The following FRMPD3 variants were observed in gnomAD, a reference collection of about 807,000 sequenced individuals.
The protein encoded by FRMPD3 is FERM and PDZ domain containing 3, also known as FERM and PDZ domain-containing protein 3.
A neutral mutation model predicts 97.9 loss-of-function variants in FRMPD3; 42 were observed. That is an observed-to-expected ratio of 0.43 (90% confidence interval 0.34 to 0.55). The LOEUF (loss-of-function observed/expected upper bound fraction) is 0.55. FRMPD3 is among the 20% of genes least tolerant of loss of function. The probability of loss-of-function intolerance (pLI) is 0.03; values close to 1 mark genes in which losing one functional copy is unlikely to be tolerated. For missense variants in FRMPD3, 1,303 were observed against 1,457.7 expected, an observed-to-expected ratio of 0.89 and a Z score of 1.73; for synonymous variants, 577 against 581.1, an observed-to-expected ratio of 0.99 and a Z score of 0.10.
intron 1 of FRMPD3, among the ~76,000 whole-genome samples, chrX:107,500,457 C>T (rs766751235): frequency 7.1e-5 from 8 of 112,424 alleles, no homozygotes; most frequent in Non-Finnish European, 9.4e-5. Context: ...AACTTAACCT[C>T]TTGATCCTAA....
intron 1 of FRMPD3, among the ~76,000 whole-genome samples, chrX:107,475,251 A>G (rs1214437666): frequency 9.0e-6 from 1 of 111,518 alleles, no homozygotes; most frequent in East Asian, 2.8e-4. Context: ...AGCCACCTTA[A>G]TCCCAGCTCT....
chrX:107,500,805 C>CAAAAAAAAAAAAAAAA (rs768889360), intron 1 of FRMPD3, among the ~76,000 whole-genome samples: 2 of 34,551 alleles, frequency 5.8e-5, no homozygotes, highest in African/African-American at 9.3e-5. Flanking sequence ...AAGACTCTGT[C>CAAAAAAAAAAAAAAAA]AAAAAAAAAA....
chrX:107,595,902 G>A (rs1458493350), intron 13 of FRMPD3, among the ~76,000 whole-genome samples: 8 of 103,897 alleles, frequency 7.7e-5, no homozygotes, highest in Admixed American at 5.3e-4. Flanking sequence ...CGCACCACTG[G>A]ACTCTAGCCC....
chrX:107,564,784 C>A, intron 11 of FRMPD3, 103 bp from the exon 12 acceptor site: 1 of 861,420 alleles, frequency 1.2e-6, no homozygotes, highest in Non-Finnish European at 1.7e-6. Context: ...TCAGACCCCA[C>A]CAGAGAGTCC....
At chrX:107,558,991 G>A (rs960164248) in intron 8 of FRMPD3, among the ~76,000 whole-genome samples, 5 of 100,986 alleles carry the variant, frequency 5.0e-5, no homozygotes, top group Non-Finnish European at 1.0e-4. Flanking sequence ...GGCCTACATA[G>A]CACTATAGCA....
chrX:107,519,057 A>C (rs1318417586), intron 1 of FRMPD3, among the ~76,000 whole-genome samples: 1 of 112,086 alleles, frequency 8.9e-6, no homozygotes, highest in Non-Finnish European at 1.9e-5. Flanking sequence ...TGTGGCTTCC[A>C]TGGGTTGGGA....
chrX:107,518,743 C>T (rs1016921510), intron 1 of FRMPD3, among the ~76,000 whole-genome samples: 1 of 111,888 alleles, frequency 8.9e-6, no homozygotes, highest in African/African-American at 3.3e-5. Flanking sequence ...TAGGTATGTA[C>T]CTGAAAGAAT....
chrX:107,587,624 A>C (rs1923715920), intron 13 of FRMPD3, among the ~76,000 whole-genome samples: 2 of 111,185 alleles, frequency 1.8e-5, no homozygotes, highest in African/African-American at 6.6e-5. Context: ...TTCTTTCAGG[A>C]GCTCTTATAA....
chrX:107,453,866 G>A (rs1478490338), intron 1 of FRMPD3, among the ~76,000 whole-genome samples: 1 of 112,185 alleles, frequency 8.9e-6, no homozygotes, highest in Non-Finnish European at 1.9e-5. Context: ...CCAATCCCTG[G>A]TAGTCAGAAA....
At chrX:107,450,987 G>T (rs1264656641) in intron 1 of FRMPD3, among the ~76,000 whole-genome samples, 1 of 109,182 alleles carries the variant, frequency 9.2e-6, no homozygotes, top group Non-Finnish European at 1.9e-5. Context: ...TACCCTCCAC[G>T]CTCGAGCTGT....
intron 13 of FRMPD3, among the ~76,000 whole-genome samples, chrX:107,578,283 GT>G (rs1158151122): frequency 9.0e-6 from 1 of 111,713 alleles, no homozygotes; most frequent in Non-Finnish European, 1.9e-5. Flanking sequence ...CTAACAAACA[GT>G]TTTTTGTCAT....
chrX:107,587,925 C>A (rs187671520), intron 13 of FRMPD3, among the ~76,000 whole-genome samples: 9 of 110,773 alleles, frequency 8.1e-5, no homozygotes, highest in African/African-American at 3.0e-4. Context: ...CAGGCACATG[C>A]CACCACACCC....
At chrX:107,599,264 C>T (rs1924365635) in intron 14 of FRMPD3, among the ~76,000 whole-genome samples, 1 of 105,533 alleles carries the variant, frequency 9.5e-6, no homozygotes. Context: ...CAGAGTGAGA[C>T]TCTAAAAAAA....
chrX:107,557,094 T>C (rs976053429), intron 8 of FRMPD3, among the ~76,000 whole-genome samples: 1 of 112,511 alleles, frequency 8.9e-6, no homozygotes, highest in African/African-American at 3.2e-5. Context: ...CAGCCATGTA[T>C]GAGAGTTTCA....
At chrX:107,514,143 T>G (rs1922240118) in intron 1 of FRMPD3, among the ~76,000 whole-genome samples, 1 of 110,229 alleles carries the variant, frequency 9.1e-6, no homozygotes, top group Non-Finnish European at 1.9e-5. Flanking sequence ...CTTGGTGTGT[T>G]GAGAAACTAA....
chrX:107,462,467 T>C (rs928962310), intron 1 of FRMPD3, among the ~76,000 whole-genome samples: 15 of 112,051 alleles, frequency 1.3e-4, no homozygotes, highest in African/African-American at 4.9e-4. Context: ...GAGGGGTGCA[T>C]GTTTCAGCAT....
Position 107,601,798 on chromosome X carries a change from T to C in FRMPD3, c.3759T>C (p.Leu1253=). 4.1e-6 allele frequency: 5 copies of C among 1,210,396 alleles called. No homozygotes were observed. The highest frequency in any genetic ancestry group is 5.6e-6 in the Non-Finnish European group (5 of 895,234). ...KQYELEFLEE[L]LKPPSQGELP... is the part of the protein sequence containing the mutation. ...ATGAACTGGAGTTCCTTGAGGAACTTCTAAAGCCACCAAGCCAGGGGGAGC... is the reference window on the plus strand; with the variant it reads ...ATGAACTGGAGTTCCTTGAGGAACTCCTAAAGCCACCAAGCCAGGGGGAGC... Residue 1253 remains leucine (L), a synonymous_variant, in exon 15 of 15, where the codon CTT becomes CTC. Transcript: ENST00000683843.
chrX:107,597,430 G>A lies in FRMPD3; in HGVS notation c.1551G>A (p.Thr517=), dbSNP rs770328787. ...GTSPRKSSRC[T]PPPADSELVS... ...GCCCCAGGAAATCGAGCCGCTGCAC[G>A]CCCCCACCTGCCGACTCTGAGCTTG... Residue 517 remains threonine (T), a synonymous_variant, in exon 14 of 15, where the codon ACG becomes ACA. Transcript: ENST00000683843. 5.9e-5 allele frequency: 71 copies of A among 1,208,858 alleles called. No individual in the cohort carries two copies. Among genetic ancestry groups the A allele is most frequent in the African/African-American group, 1.0e-4 (6 of 57,191 alleles).
chrX:107,526,540 C>T (rs1460631852), intron 1 of FRMPD3, 42 bp from the exon 2 acceptor site: 4 of 1,143,319 alleles, frequency 3.5e-6, no homozygotes, highest in Admixed American at 2.3e-5. Context: ...AGGCTTAGTT[C>T]CCTGTGCATC....
Sources: gnomAD v4.1 joint callset for allele counts (sites outside exome capture counted in the v4.1 genomes callset) on GRCh38, gnomAD v4.1.1 for gene constraint, MANE v1.5 for transcripts, NCBI Gene and HGNC (gene_info 2026-07-23, HGNC 2026-07-21) for gene names.